The following UPRT variants were observed in gnomAD, a reference collection of about 807,000 sequenced individuals.
The protein encoded by UPRT is uracil phosphoribosyltransferase homolog.
Under a neutral mutation model 22.6 loss-of-function variants are expected in UPRT, and 5 were observed. The ratio of observed to expected loss-of-function variants is 0.22; its 90% CI spans 0.12 to 0.47. UPRT has a LOEUF of 0.47. Among genes scored for constraint, UPRT ranks in the 20% least tolerant of loss-of-function variants. The pLI, the probability that UPRT is intolerant of heterozygous loss-of-function variation, is 0.99. For synonymous variants in UPRT, 77 were observed against 87.7 expected (o/e 0.88, Z 0.68); for missense variants, 181 against 239.9 (o/e 0.75, Z 1.62).
chrX:75,180,890 C>T (rs183075399), intron 4 of UPRT, among the ~76,000 whole-genome samples: 1 of 109,300 alleles, frequency 9.1e-6, no homozygotes, highest in African/African-American at 3.3e-5. Flanking sequence ...TCAGTTTTTG[C>T]TTTTGTCACA....
chrX:75,177,448 G>A (rs928371581), intron 4 of UPRT, among the ~76,000 whole-genome samples: 13 of 111,096 alleles, frequency 1.2e-4, no homozygotes, highest in Admixed American at 4.8e-4. Context: ...GACCGACCGA[G>A]AAAAATCGGA....
chrX:75,274,004 A>G (rs1433362135), upstream of UPRT: 1 of 365,306 alleles, frequency 2.7e-6, no homozygotes, highest in Non-Finnish European at 4.6e-6. Context: ...GTTAACAAGC[A>G]GTGGCGCCGC....
chrX:75,249,415 C>A (rs149659190), intron 4 of UPRT, among the ~76,000 whole-genome samples: 1,350 of 111,483 alleles, frequency 0.012, 23 homozygotes, highest in African/African-American at 0.043. Flanking sequence ...CAATCCTAGT[C>A]TCTGATAAAA....
chrX:75,262,014 A>G (rs186392089), intron 4 of UPRT, among the ~76,000 whole-genome samples: 16 of 111,727 alleles, frequency 1.4e-4, no homozygotes, highest in African/African-American at 5.2e-4. Flanking sequence ...GAAGGAAAAA[A>G]TGTTAAGGGC....
At chrX:75,168,560 C>G (rs1228037468) in intron 4 of UPRT, among the ~76,000 whole-genome samples, 1 of 111,014 alleles carries the variant, frequency 9.0e-6, no homozygotes, top group Non-Finnish European at 1.9e-5. Flanking sequence ...CGGAGTTTCG[C>G]TCTTTGTTGC....
At position 75,255,145 on chromosome X, in the gene UPRT, A is replaced by C. The variant is rs775134689; in HGVS notation, c.-446-35879A>C. Among the ~76,000 whole-genome samples, 17 of 111,844 alleles carry C rather than the reference A, an allele frequency of 1.5e-4. No individual in the cohort carries two copies. The South Asian group carries it at 4.4e-3, about 29-fold the overall frequency. ...ATAAAGGAAAACCTATCAGACTAAC[A>C]GCAGATTTCTCAAAAGAAACCCTAC... On this transcript the variant is annotated intron_variant, in intron 4 of 13. Coordinates refer to the UPRT transcript ENST00000652605.
chrX:75,166,066 T>A (rs2082212495), intron 3 of UPRT, among the ~76,000 whole-genome samples: 1 of 112,165 alleles, frequency 8.9e-6, no homozygotes, highest in Admixed American at 9.5e-5. Context: ...GATTTAAATA[T>A]GATGCAGGAC....
intron 4 of UPRT, among the ~76,000 whole-genome samples, chrX:75,182,164 TTTG>T (rs1177579075): frequency 8.9e-6 from 1 of 112,314 alleles, no homozygotes; most frequent in East Asian, 2.8e-4. Context: ...CATTTATGGA[TTTG>T]CATATGTTGA....
intron 4 of UPRT, among the ~76,000 whole-genome samples, chrX:75,215,399 G>A (rs1188371207): frequency 9.0e-6 from 1 of 111,357 alleles, no homozygotes; most frequent in African/African-American, 3.3e-5. Context: ...ATTGACAACA[G>A]GATATTAATA....
At chrX:75,163,164 G>C (rs1465183387) in exon 3 of UPRT, among the ~76,000 whole-genome samples, 1 of 111,545 alleles carries the variant, frequency 9.0e-6, no homozygotes, top group Non-Finnish European at 1.9e-5. Flanking sequence ...CTGGCTGTTG[G>C]CTGAGGACTA....
At chrX:75,271,741 A>G (rs2082608691), upstream of UPRT, among the ~76,000 whole-genome samples, 1 of 111,935 alleles carries the variant, frequency 8.9e-6, no homozygotes, top group African/African-American at 3.2e-5. Flanking sequence ...TTCACAATCT[A>G]TACATCTGAC....
At chrX:75,251,039 T>A (rs1041708010) in intron 4 of UPRT, among the ~76,000 whole-genome samples, 36 of 111,626 alleles carry the variant, frequency 3.2e-4, no homozygotes, top group Non-Finnish European at 5.8e-4. Context: ...TCTCAATAAA[T>A]TAGGTATTGA....
chrX:75,266,196 A>G (rs982052556), intron 4 of UPRT, among the ~76,000 whole-genome samples: 1 of 111,713 alleles, frequency 9.0e-6, no homozygotes. Context: ...AGTATACTAC[A>G]AGGCTACAGT....
intron 4 of UPRT, among the ~76,000 whole-genome samples, chrX:75,186,264 G>A (rs5981794): frequency 1.1e-4 from 12 of 111,241 alleles, no homozygotes; most frequent in African/African-American, 3.0e-4. Flanking sequence ...TATTTCTGCC[G>A]TCATTTCGTT....
chrX:75,238,944 T>C (rs2082479149), intron 4 of UPRT, among the ~76,000 whole-genome samples: 1 of 111,459 alleles, frequency 9.0e-6, no homozygotes, highest in Non-Finnish European at 1.9e-5. Context: ...AGTCAAAACC[T>C]CTGGGATACA....
At position 75,251,743 on chromosome X, in the gene UPRT, T is replaced by C. The variant is rs780717355; in HGVS notation, c.-446-39281T>C. Reference sequence around the variant, plus strand: ...TTTCATATAGAACCAAAAAAGAGCCTGCATCACCAAGTCAATCCTAAGCCA... The same window carrying C: ...TTTCATATAGAACCAAAAAAGAGCCCGCATCACCAAGTCAATCCTAAGCCA... On this transcript the variant is annotated intron_variant, in intron 4 of 13. Coordinates refer to the UPRT transcript ENST00000652605. Among the ~76,000 whole-genome samples the C allele has an allele frequency of 6.3e-4, 70 of 111,397 alleles. 1 individual carries two copies. The highest frequency in any genetic ancestry group is 2.1e-3 in the African/African-American group (65 of 30,696).
chrX:75,211,783 G>A (rs964829492), intron 4 of UPRT, among the ~76,000 whole-genome samples: 1 of 111,682 alleles, frequency 9.0e-6, no homozygotes, highest in African/African-American at 3.3e-5. Flanking sequence ...AAAATGTTAG[G>A]TTTTGAAGGG....
chrX:75,236,697 G>T (rs886622914), intron 4 of UPRT, among the ~76,000 whole-genome samples: 2 of 112,375 alleles, frequency 1.8e-5, no homozygotes, highest in Non-Finnish European at 3.8e-5. Context: ...AAGCAATGGG[G>T]TAAGGATTCC....
chrX:75,236,407 C>G, intron 4 of UPRT, among the ~76,000 whole-genome samples: 1 of 111,611 alleles, frequency 9.0e-6, no homozygotes, highest in African/African-American at 3.3e-5. Context: ...CCATCCCCAT[C>G]AAGCTACCAA....
Sources: allele counts gnomAD v4.1 joint callset (sites outside exome capture counted in the v4.1 genomes callset), GRCh38; gene constraint gnomAD v4.1.1; transcripts MANE v1.5; gene names NCBI Gene and HGNC (gene_info 2026-07-23, HGNC 2026-07-21).